BEND5: variants seen among roughly 807,000 people sequenced by gnomAD.
BEND5 encodes the protein BEN domain containing 5.
BEND5 carries 22 observed loss-of-function variants against 43.9 expected under a neutral mutation model. The observed-to-expected ratio is 0.50, with a 90% CI of 0.36 to 0.72. The LOEUF is 0.72. Among genes scored for constraint, BEND5 ranks in the 30% least tolerant of loss-of-function variants. The pLI is 0.00. For synonymous variants in BEND5, 228 were observed against 225.9 expected (o/e 1.01, Z -0.08); for missense variants, 428 against 550.6 (o/e 0.78, Z 2.23).
At chr1:48,746,648 A>C (rs1191133397) in intron 3 of BEND5, among the ~76,000 whole-genome samples, 1 of 152,222 alleles carries the variant, frequency 6.6e-6, no homozygotes, top group African/African-American at 2.4e-5. Context: ...AAGCCAACCA[A>C]AGGTACATCT....
chr1:48,738,253 G>C (rs1015536701), intron 4 of BEND5, among the ~76,000 whole-genome samples: 1 of 152,256 alleles, frequency 6.6e-6, no homozygotes. Flanking sequence ...CTACCTGCAC[G>C]TCTGACTTCA....
At chr1:48,771,429 T>C (rs1199395348) in intron 1 of BEND5, among the ~76,000 whole-genome samples, 1 of 152,232 alleles carries the variant, frequency 6.6e-6, no homozygotes. Context: ...TTTCTGCTTA[T>C]GAACCAGAAC....
At chr1:48,761,502 C>G (rs577534756) in intron 1 of BEND5, 32 bp from the exon 2 acceptor site, 12 of 1,543,328 alleles carry the variant, frequency 7.8e-6, no homozygotes, top group Middle Eastern at 1.8e-4. Context: ...CAAGGTTCAT[C>G]ATGAGTTAAA....
At chr1:48,748,206 C>G (rs904509473) in intron 3 of BEND5, among the ~76,000 whole-genome samples, 14 of 152,136 alleles carry the variant, frequency 9.2e-5, no homozygotes, top group Non-Finnish European at 1.5e-5. Flanking sequence ...AAGATGCCTC[C>G]GGAGCTGGGT....
At chr1:48,729,976 TG>T (rs1437571226) in intron 5 of BEND5, among the ~76,000 whole-genome samples, 39 of 152,140 alleles carry the variant, frequency 2.6e-4, no homozygotes, top group Admixed American at 2.6e-3. Flanking sequence ...CTATTCCACC[TG>T]TCAGGGACCT....
chr1:48,759,314 CA>C, intron 2 of BEND5, 30 bp from the exon 3 acceptor site: 2 of 1,542,434 alleles, frequency 1.3e-6, no homozygotes, highest in Non-Finnish European at 1.7e-6. Context: ...TCAGTTCAGG[CA>C]AGGGCAGCTG....
intron 2 of BEND5, among the ~76,000 whole-genome samples, chr1:48,759,939 G>A (rs1429197707): frequency 1.3e-5 from 2 of 152,166 alleles, no homozygotes; most frequent in Admixed American, 1.3e-4. Context: ...CAACTGAAAA[G>A]TTCAAAGAAT....
chr1:48,766,939 CA>C (rs2148678066), intron 1 of BEND5, among the ~76,000 whole-genome samples: 1 of 152,254 alleles, frequency 6.6e-6, no homozygotes, highest in Admixed American at 6.5e-5. Flanking sequence ...AGAACCCAAC[CA>C]AAATGCAAGG....
intron 1 of BEND5, among the ~76,000 whole-genome samples, chr1:48,775,359 C>T (rs1645027629): frequency 6.6e-6 from 1 of 152,132 alleles, no homozygotes; most frequent in Admixed American, 6.5e-5. Flanking sequence ...CCATGAGACC[C>T]TGGGCAAGTC....
rs145404670 is a variant in BEND5, at chr1:48,775,765, C to T, written c.226+841G>A. Reference sequence around the variant, plus strand: ...CCTATCACCAACTGAACCTCAGTACCCTCATCTACGAAATGGAGATGAGAC... The same window carrying T: ...CCTATCACCAACTGAACCTCAGTACTCTCATCTACGAAATGGAGATGAGAC... On this transcript the variant is annotated intron_variant, in intron 1 of 5. Transcript: ENST00000371833. Among the ~76,000 whole-genome samples, 433 of 152,310 alleles carry T rather than the reference C, an allele frequency of 2.8e-3. 1 individual carries two copies. Among genetic ancestry groups the T allele is most frequent in the African/African-American group, 9.2e-3 (382 of 41,562 alleles).
chr1:48,752,132 C>T (rs1651839345), intron 3 of BEND5, among the ~76,000 whole-genome samples: 1 of 152,184 alleles, frequency 6.6e-6, no homozygotes, highest in African/African-American at 2.4e-5. Context: ...GGCCTTACCT[C>T]CACAAGGGAG....
chr1:48,743,831 G>A (rs1322683006), intron 3 of BEND5, among the ~76,000 whole-genome samples: 1 of 152,242 alleles, frequency 6.6e-6, no homozygotes, highest in African/African-American at 2.4e-5. Context: ...GTTGGTGGCA[G>A]TGAAGGTCCT....
At chr1:48,770,041 C>T (rs1056053884) in intron 1 of BEND5, among the ~76,000 whole-genome samples, 5 of 152,130 alleles carry the variant, frequency 3.3e-5, no homozygotes, top group Non-Finnish European at 5.9e-5. Flanking sequence ...CCTTTAGTGA[C>T]AGGGAGCTCA....
At chr1:48,729,649 T>C (rs1647779645) in intron 5 of BEND5, among the ~76,000 whole-genome samples, 1 of 152,076 alleles carries the variant, frequency 6.6e-6, no homozygotes, top group Non-Finnish European at 1.5e-5. Flanking sequence ...AATCCACTGC[T>C]ACCTGCCCAT....
At chr1:48,728,581 T>C (rs980888955) in intron 5 of BEND5, among the ~76,000 whole-genome samples, 3 of 152,096 alleles carry the variant, frequency 2.0e-5, no homozygotes, top group Non-Finnish European at 2.9e-5. Flanking sequence ...AGTGTTCTAT[T>C]GTATGGCTCT....
intron 5 of BEND5, among the ~76,000 whole-genome samples, chr1:48,732,766 C>G (rs569232440): frequency 6.6e-6 from 1 of 152,244 alleles, no homozygotes; most frequent in South Asian, 2.1e-4. Context: ...AACCCAAAGT[C>G]AAGGGCACAC....
At chr1:48,729,288 C>T (rs1647709259) in intron 5 of BEND5, among the ~76,000 whole-genome samples, 1 of 152,176 alleles carries the variant, frequency 6.6e-6, no homozygotes, top group South Asian at 2.1e-4. Context: ...TGTTAAATAA[C>T]TGAATAAATG....
In BEND5 at chr1:48,736,463, T is replaced by A; in HGVS notation, c.895-11A>T. 1 of 1,612,916 alleles carries A rather than the reference T, an allele frequency of 6.2e-7. No individual in the cohort carries two copies. Among genetic ancestry groups the A allele is most frequent in the Non-Finnish European group, 8.5e-7 (1 of 1,179,046 alleles). The stretch of plus-strand genomic sequence containing the variant: ...GCTTCCCAGATGGACCTGAGAGGAA[T>A]AAGAACACCAGCACCTGTTTAGTCC... On this transcript the variant is annotated splice_polypyrimidine_tract_variant and intron_variant, in intron 4 of 5. Transcript: ENST00000371833. This position sits in a 1 kb window ranked among gnomAD's most constrained non-coding sequence, Gnocchi z 4.0.
intron 3 of BEND5, among the ~76,000 whole-genome samples, chr1:48,749,119 C>T (rs976597644): frequency 1.3e-5 from 2 of 152,128 alleles, no homozygotes; most frequent in African/African-American, 4.8e-5. Context: ...GGTCAAGGTT[C>T]TCCCCGACTT....
Sources: gnomAD v4.1 joint callset for allele counts (sites outside exome capture counted in the v4.1 genomes callset) on GRCh38, gnomAD v4.1.1 for gene constraint, Gnocchi (gnomAD v3.1) non-coding constraint, MANE v1.5 for transcripts, NCBI Gene and HGNC (gene_info 2026-07-23, HGNC 2026-07-21) for gene names.